The following APBA1 variants were observed in gnomAD, a reference collection of about 807,000 sequenced individuals.
APBA1 encodes amyloid-beta A4 precursor protein-binding family A member 1.
In APBA1, 55 loss-of-function variants were observed where a neutral mutation model predicts 86.6. The observed-to-expected ratio is 0.64, with a 90% confidence interval of 0.51 to 0.80. APBA1 has a LOEUF of 0.80. Ranked by LOEUF, APBA1 falls within the 30% of genes least tolerant of loss-of-function variation. The pLI is 0.00. For synonymous variants in APBA1, 511 were observed against 493.9 expected, an observed-to-expected ratio of 1.03 and a Z score of -0.46; for missense variants, 1,090 against 1,183.0, an observed-to-expected ratio of 0.92 and a Z score of 1.15.
At chr9:69,581,668 C>T (rs1190129926) in intron 1 of APBA1, among the ~76,000 whole-genome samples, 3 of 152,214 alleles carry the variant, frequency 2.0e-5, no homozygotes, top group East Asian at 3.9e-4. Context: ...ATATTCCCCA[C>T]TGACAATGCC....
At chr9:69,468,830 T>C (rs1261414353) in intron 4 of APBA1, among the ~76,000 whole-genome samples, 1 of 152,160 alleles carries the variant, frequency 6.6e-6, no homozygotes, top group Non-Finnish European at 1.5e-5. Context: ...TAAAAAGGCA[T>C]TTTAATCTGC....
chr9:69,620,037 TG>T (rs1822784023), intron 1 of APBA1, among the ~76,000 whole-genome samples: 3 of 152,196 alleles, frequency 2.0e-5, no homozygotes, highest in African/African-American at 7.2e-5. Flanking sequence ...AATACTGAAC[TG>T]AAAACAGTCT....
rs752893979 is a variant in APBA1, at chr9:69,517,047, C to T, written c.164G>A (p.Arg55Gln). ...QHYVGRHQRGRALEDLRAQLG... is the reference protein window; with the variant it reads ...QHYVGRHQRGQALEDLRAQLG... ...CTGGGCGCGGAGGTCCTCGAGGGCT[C>T]GCCCGCGCTGGTGGCGGCCCACATA... is the stretch of plus-strand genomic sequence containing the variant. Residue 55 changes from arginine (R) to glutamine (Q), a missense_variant, in exon 2 of 13, where the codon CGA becomes CAA. Arg to Gln is a conservative substitution (Grantham distance 43, BLOSUM62 1). This residue lies in a region of APBA1 where 678 missense variants were observed against 647.1 expected (regional missense o/e 1.05). Coordinates refer to ENST00000265381, the MANE Select transcript of APBA1 (RefSeq NM_001163.4). The T allele has an allele frequency of 1.5e-5, 23 of 1,581,284 alleles. No individual in the cohort carries two copies. Among genetic ancestry groups the T allele is most frequent in the Non-Finnish European group, 1.8e-5 (21 of 1,170,380 alleles).
intron 1 of APBA1, among the ~76,000 whole-genome samples, chr9:69,577,899 C>T (rs555382490): frequency 2.0e-5 from 3 of 152,212 alleles, no homozygotes; most frequent in Admixed American, 2.0e-4. Context: ...TTCACCACCA[C>T]AATGCTCCCA....
intron 1 of APBA1, among the ~76,000 whole-genome samples, chr9:69,573,174 AAAG>A (rs1404130699): frequency 3.3e-5 from 5 of 152,132 alleles, no homozygotes; most frequent in African/African-American, 9.7e-5. Flanking sequence ...ATAAATAAAT[AAAG>A]AAGAAGAAGA....
intron 10 of APBA1, among the ~76,000 whole-genome samples, chr9:69,447,837 C>T (rs1350469058): frequency 1.3e-5 from 2 of 152,126 alleles, no homozygotes; most frequent in Non-Finnish European, 2.9e-5. Flanking sequence ...GCACTGTGAG[C>T]CATAAGTCCT....
Position 69,516,789 on chromosome 9 carries a change from G to A in APBA1, c.422C>T (p.Thr141Met), listed in dbSNP as rs371888254. 2.5e-6 allele frequency: 4 copies of A among 1,610,172 alleles called. No individual in the cohort carries two copies. Among genetic ancestry groups the A allele is most frequent in the Admixed American group, 1.7e-5 (1 of 59,942 alleles). ...GTGGTTGGGCAGCGCGCGGCGGTGC[G>A]TGGCCTCGGCGTGCTCGGCCTCTGC... ...EQAEAEHAEA[T>M]HRRALPNHLH... Residue 141 changes from threonine (T) to methionine (M), a missense_variant, in exon 2 of 13, where the codon ACG (threonine) becomes ATG (methionine). By Grantham distance (81) the Thr-to-Met change is moderately conservative. Around this residue, in one of 6 missense-constraint regions of APBA1, gnomAD observed 678 missense variants for 647.1 expected, o/e 1.05. Coordinates refer to ENST00000265381, the MANE Select transcript of APBA1 (RefSeq NM_001163.4). The surrounding 1 kb of genome is among the most constrained non-coding windows in gnomAD (Gnocchi z 7.3).
intron 1 of APBA1, among the ~76,000 whole-genome samples, chr9:69,606,833 G>A (rs913196634): frequency 1.3e-5 from 2 of 152,014 alleles, no homozygotes; most frequent in Non-Finnish European, 2.9e-5. Context: ...GTTAAAGTCT[G>A]TATACTATTC....
intron 1 of APBA1, among the ~76,000 whole-genome samples, chr9:69,630,250 A>G (rs1461878253): frequency 6.6e-6 from 1 of 152,080 alleles, no homozygotes; most frequent in Non-Finnish European, 1.5e-5. Flanking sequence ...GAACAGAAAG[A>G]AGAATGACTG....
intron 1 of APBA1, among the ~76,000 whole-genome samples, chr9:69,616,075 A>T (rs923452314): frequency 1.3e-5 from 2 of 152,198 alleles, no homozygotes; most frequent in African/African-American, 4.8e-5. Flanking sequence ...GCAGTTTCAC[A>T]ACCAGTAGCT....
At chr9:69,497,535 G>T (rs183804388) in intron 2 of APBA1, among the ~76,000 whole-genome samples, 1 of 152,128 alleles carries the variant, frequency 6.6e-6, no homozygotes, top group East Asian at 1.9e-4. Context: ...CCCAAAGTCC[G>T]AGAGTATCAT....
intron 2 of APBA1, among the ~76,000 whole-genome samples, chr9:69,484,509 A>G (rs1256410922): frequency 6.6e-6 from 1 of 152,126 alleles, no homozygotes; most frequent in African/African-American, 2.4e-5. Context: ...GTTTCCTCCT[A>G]TTTGCATGTG....
At chr9:69,597,652 C>T (rs1267600460) in intron 1 of APBA1, among the ~76,000 whole-genome samples, 4 of 152,160 alleles carry the variant, frequency 2.6e-5, no homozygotes, top group Non-Finnish European at 4.4e-5. Context: ...TTAGGTCTAA[C>T]GTTTAAGTCT....
At chr9:69,629,122 A>C (rs916148834) in intron 1 of APBA1, among the ~76,000 whole-genome samples, 1 of 151,790 alleles carries the variant, frequency 6.6e-6, no homozygotes, top group Non-Finnish European at 1.5e-5. Flanking sequence ...AAGGGAGCTA[A>C]AGTCTGAATT....
chr9:69,461,895 A>G (rs1037762008), intron 5 of APBA1: 1 of 152,236 alleles, frequency 6.6e-6, no homozygotes, highest in Admixed American at 6.5e-5. Context: ...TGAAGGGCCT[A>G]ATACTTTACT....
intron 1 of APBA1, among the ~76,000 whole-genome samples, chr9:69,634,030 T>C (rs1290253929): frequency 1.3e-5 from 2 of 152,138 alleles, no homozygotes; most frequent in Admixed American, 6.5e-5. Context: ...GAACACCAAA[T>C]TGAACAACTA....
At chr9:69,650,612 A>T (rs563335395) in intron 1 of APBA1, among the ~76,000 whole-genome samples, 1 of 152,358 alleles carries the variant, frequency 6.6e-6, no homozygotes, top group South Asian at 2.1e-4. Flanking sequence ...ATATGCACGA[A>T]TAACCTGAAT....
chr9:69,431,265 G>T lies in APBA1; in HGVS notation c.*62C>A. 1.5e-6 allele frequency: 2 copies of T among 1,359,892 alleles called. No homozygotes were observed. Among genetic ancestry groups the T allele is most frequent in the Non-Finnish European group, 2.0e-6 (2 of 993,664 alleles). 84.2% of individuals were successfully genotyped at this position (1,359,892 alleles called of 1,614,324 possible). On this transcript the variant is annotated 3_prime_UTR_variant, in exon 13 of 13. Coordinates refer to ENST00000265381, the MANE Select transcript of APBA1 (RefSeq NM_001163.4). ...AAGTCTCAGTGGACACAGGGATGCA[G>T]CACGAGAAACACAACCACGAAGAGG...
At chr9:69,646,757 A>G (rs1460392409) in intron 1 of APBA1, among the ~76,000 whole-genome samples, 10 of 152,120 alleles carry the variant, frequency 6.6e-5, no homozygotes, top group African/African-American at 2.4e-4. Context: ...ACAGTTTCCA[A>G]CTGGCTTTAT....
Sources: gnomAD v4.1 joint callset for allele counts (sites outside exome capture counted in the v4.1 genomes callset) on GRCh38, gnomAD v4.1.1 for gene constraint, gnomAD v4.1.1 regional missense constraint, Gnocchi (gnomAD v3.1) non-coding constraint, MANE v1.5 for transcripts, NCBI Gene and HGNC (gene_info 2026-07-23, HGNC 2026-07-21) for gene names.